HPSE2: variants seen among roughly 807,000 people sequenced by gnomAD.
HPSE2 encodes the protein inactive heparanase-2.
A neutral mutation model predicts 60.5 loss-of-function variants in HPSE2; 38 were observed. The ratio of observed to expected loss-of-function variants is 0.63; its 90% CI spans 0.48 to 0.82. The LOEUF (loss-of-function observed/expected upper bound fraction) is 0.82, where lower values mean the gene tolerates loss of function less well. HPSE2 is among the 40% of genes least tolerant of loss of function. The pLI, the probability that HPSE2 is intolerant of heterozygous loss-of-function variation, is 0.00. For missense variants in HPSE2, 713 were observed against 740.4 expected, an observed-to-expected ratio of 0.96 and a Z score of 0.43; for synonymous variants, 295 against 293.2, an observed-to-expected ratio of 1.01 and a Z score of -0.06.
intron 9 of HPSE2, among the ~76,000 whole-genome samples, chr10:98,529,977 G>C (rs1386518676): frequency 6.6e-6 from 1 of 152,172 alleles, no homozygotes; most frequent in Admixed American, 6.5e-5. Flanking sequence ...AATAGCTGTA[G>C]AGCACTCTGT....
chr10:99,256,942 C>T, the HPSE2 span, among the ~76,000 whole-genome samples: 16 of 152,176 alleles, frequency 1.1e-4, no homozygotes, highest in African/African-American at 3.9e-4. Flanking sequence ...GGCAGAATAA[C>T]GTGGATTGTG....
chr10:98,903,444 T>C (rs1321257205), intron 3 of HPSE2, among the ~76,000 whole-genome samples: 5 of 152,084 alleles, frequency 3.3e-5, no homozygotes, highest in East Asian at 3.9e-4. Flanking sequence ...AAGAAAGCTA[T>C]GTTAAAGATA....
chr10:99,180,289 C>T (rs1847707726), intron 2 of HPSE2, among the ~76,000 whole-genome samples: 1 of 152,062 alleles, frequency 6.6e-6, no homozygotes, highest in African/African-American at 2.4e-5. Context: ...TTCTGCACAG[C>T]AAAAGAAACT....
intron 3 of HPSE2, chr10:99,013,947 T>C: frequency 2.4e-6 from 1 of 424,454 alleles, no homozygotes; most frequent in Non-Finnish European, 4.9e-6. Context: ...TGAAGAGAAT[T>C]CCCATTCTCG....
chr10:98,694,410 T>G (rs1051700551), intron 5 of HPSE2, among the ~76,000 whole-genome samples: 1 of 152,208 alleles, frequency 6.6e-6, no homozygotes, highest in Non-Finnish European at 1.5e-5. Context: ...CCCAGTTTAT[T>G]TATACAAGTA....
intron 9 of HPSE2, among the ~76,000 whole-genome samples, chr10:98,553,627 T>G (rs181372158): frequency 2.6e-5 from 4 of 152,360 alleles, no homozygotes; most frequent in East Asian, 3.9e-4. Context: ...CCACCATTTC[T>G]GACTCTGCCA....
chr10:98,672,523 G>T (rs915440525), intron 6 of HPSE2, among the ~76,000 whole-genome samples: 1 of 152,212 alleles, frequency 6.6e-6, no homozygotes, highest in Non-Finnish European at 1.5e-5. Flanking sequence ...GCACAGACAT[G>T]TAATATAATT....
At chr10:98,553,034 G>C (rs569363453) in intron 9 of HPSE2, among the ~76,000 whole-genome samples, 6 of 152,234 alleles carry the variant, frequency 3.9e-5, no homozygotes, top group African/African-American at 1.4e-4. Context: ...TCTAAAGCAG[G>C]ATATAAATTA....
intron 3 of HPSE2, among the ~76,000 whole-genome samples, chr10:98,863,528 C>T (rs1274397633): frequency 1.3e-5 from 2 of 152,114 alleles, no homozygotes; most frequent in African/African-American, 4.8e-5. Flanking sequence ...TGTCCAATGC[C>T]ACTGAAGGTT....
At chr10:99,240,083 G>C (rs1335266373), upstream of HPSE2, among the ~76,000 whole-genome samples, 2 of 151,926 alleles carry the variant, frequency 1.3e-5, no homozygotes, top group African/African-American at 2.4e-5. Flanking sequence ...CAACTACTCA[G>C]AAGGCTGAGG....
chr10:98,614,701 ATG>A (rs141443710), intron 9 of HPSE2, among the ~76,000 whole-genome samples: 70 of 148,560 alleles, frequency 4.7e-4, no homozygotes, highest in South Asian at 1.1e-3. Flanking sequence ...GAGTGAACAG[ATG>A]TGTGTGTGTG....
rs561175312 is a variant in HPSE2 at position 99,051,359 on chromosome 10, G to A, written c.610+92879C>T. Among the ~76,000 whole-genome samples the A allele has an allele frequency of 5.3e-4, 80 of 152,188 alleles. 1 individual carries two copies. The highest frequency in any genetic ancestry group is 1.5e-3 in the South Asian group (7 of 4,818). The stretch of plus-strand genomic sequence containing the variant: ...AAATATTCTCCATTTTTCCCATGCA[G>A]CATTGATTTAGCACATAAACAAAAA... On this transcript the variant is annotated intron_variant, in intron 3 of 11. Transcript: ENST00000370552.
At chr10:99,032,726 T>A (rs1957525233) in intron 3 of HPSE2, among the ~76,000 whole-genome samples, 1 of 152,208 alleles carries the variant, frequency 6.6e-6, no homozygotes, top group African/African-American at 2.4e-5. Context: ...CTGCATTCCA[T>A]TCTGGAAGCT....
intron 5 of HPSE2, among the ~76,000 whole-genome samples, chr10:98,711,753 C>A (rs1948681212): frequency 6.6e-6 from 1 of 152,148 alleles, no homozygotes; most frequent in Admixed American, 6.6e-5. Flanking sequence ...TGTGCACCTA[C>A]ATTCTTTGAT....
chr10:98,659,956 G>GT (rs1947180637), intron 6 of HPSE2, among the ~76,000 whole-genome samples: 1 of 152,058 alleles, frequency 6.6e-6, no homozygotes, highest in Non-Finnish European at 1.5e-5. Context: ...ACTTCACTGA[G>GT]TACTTGTGAG....
chr10:98,620,765 T>C (rs1316315602), intron 7 of HPSE2, 57 bp from the exon 8 acceptor site: 1 of 1,136,172 alleles, frequency 8.8e-7, no homozygotes, highest in African/African-American at 1.5e-5. Flanking sequence ...TATTCCCACA[T>C]GAGAAGAAAC....
At chr10:98,876,652 T>C (rs1952885494) in intron 3 of HPSE2, among the ~76,000 whole-genome samples, 1 of 151,904 alleles carries the variant, frequency 6.6e-6, no homozygotes, top group South Asian at 2.1e-4. Flanking sequence ...TTTTTAGTCA[T>C]AATAAATGGC....
chr10:98,923,649 A>T (rs1435573234), intron 3 of HPSE2, among the ~76,000 whole-genome samples: 2 of 151,768 alleles, frequency 1.3e-5, no homozygotes, highest in Non-Finnish European at 2.9e-5. Context: ...AGGCTCACTA[A>T]TTCTTTCTTC....
At chr10:99,204,739 T>C (rs1484546371) in intron 2 of HPSE2, among the ~76,000 whole-genome samples, 1 of 152,052 alleles carries the variant, frequency 6.6e-6, no homozygotes, top group Non-Finnish European at 1.5e-5. Flanking sequence ...TTTTTGGAGA[T>C]TTGGAAAAAT....
Sources: allele counts gnomAD v4.1 joint callset (sites outside exome capture counted in the v4.1 genomes callset), GRCh38; gene constraint gnomAD v4.1.1; transcripts MANE v1.5; gene names NCBI Gene and HGNC (gene_info 2026-07-23, HGNC 2026-07-21).